Variants in SLC8A1 observed in about 807,000 individuals in gnomAD.
SLC8A1 encodes the protein solute carrier family 8 member A1.
In SLC8A1, 18 loss-of-function variants were observed where a neutral mutation model predicts 68.3. The observed-to-expected ratio is 0.26, with a 90% confidence interval of 0.18 to 0.39. SLC8A1 has a LOEUF of 0.39. Ranked by LOEUF, SLC8A1 falls within the 10% of genes least tolerant of loss-of-function variation. The pLI, the probability that SLC8A1 is intolerant of heterozygous loss-of-function variation, is 1.00. For missense variants in SLC8A1, 985 were observed against 1,156.7 expected, an observed-to-expected ratio of 0.85 and a Z score of 2.15; for synonymous variants, 475 against 415.5, an observed-to-expected ratio of 1.14 and a Z score of -1.74.
chr2:40,465,400 C>T (rs1245823559), intron 1 of SLC8A1, among the ~76,000 whole-genome samples: 1 of 152,078 alleles, frequency 6.6e-6, no homozygotes, highest in Non-Finnish European at 1.5e-5. Flanking sequence ...AAAAAGTGTA[C>T]TGTTTTACTT....
At chr2:40,302,682 ATTGTGCTGCTATAAACATGC>A (rs1055552092) in intron 2 of SLC8A1, among the ~76,000 whole-genome samples, 5 of 151,906 alleles carry the variant, frequency 3.3e-5, no homozygotes, top group Admixed American at 2.0e-4. Context: ...GCAGTTGCAA[ATTGTGCTGCTATAAACATGC>A]ATGTGCAAGT....
Position 40,430,315 on chromosome 2 carries a change from T to A in SLC8A1, c.-24-11A>T, listed in dbSNP as rs1476944291. Reference sequence around the variant, plus strand: ...AACTGTCACAACCTACTGGTAAAAATAAGATGGGGGAGAGGGCAGAAAAAA... The same window carrying A: ...AACTGTCACAACCTACTGGTAAAAAAAAGATGGGGGAGAGGGCAGAAAAAA... On this transcript the variant is annotated splice_polypyrimidine_tract_variant and intron_variant, in intron 1 of 7. Coordinates refer to ENST00000406785, the Ensembl canonical transcript of SLC8A1. The A allele has an allele frequency of 1.9e-5, 30 of 1,567,198 alleles. No individual in the cohort carries two copies. The highest frequency in any genetic ancestry group is 2.2e-5 in the Non-Finnish European group (25 of 1,158,778).
intron 2 of SLC8A1, among the ~76,000 whole-genome samples, chr2:40,376,895 A>G (rs1680070946): frequency 1.3e-5 from 2 of 152,114 alleles, no homozygotes; most frequent in African/African-American, 2.4e-5. Flanking sequence ...TATAATTACC[A>G]TGCCCTCTAT....
At chr2:40,139,791 G>T in intron 6 of SLC8A1, 115 bp from the exon 10 acceptor site, 1 of 1,042,144 alleles carries the variant, frequency 9.6e-7, no homozygotes, top group Non-Finnish European at 1.4e-6. Context: ...AGGAGGCCAT[G>T]AGAGGTGGGT....
intron 1 of SLC8A1, among the ~76,000 whole-genome samples, chr2:40,431,570 A>T (rs1698305784): frequency 6.6e-6 from 1 of 152,106 alleles, no homozygotes. Context: ...GATGGAGGTG[A>T]GGGGAAACTG....
intron 2 of SLC8A1, among the ~76,000 whole-genome samples, chr2:40,424,701 A>G (rs978434597): frequency 8.6e-5 from 13 of 151,988 alleles, no homozygotes; most frequent in African/African-American, 2.9e-4. Flanking sequence ...TCTAAGGAGT[A>G]TATTAAGTAA....
intron 2 of SLC8A1, among the ~76,000 whole-genome samples, chr2:40,412,604 G>T (rs1479326349): frequency 6.6e-6 from 1 of 152,112 alleles, no homozygotes; most frequent in Non-Finnish European, 1.5e-5. Context: ...TGCTTCTGAG[G>T]CACTACTGAC....
intron 2 of SLC8A1, among the ~76,000 whole-genome samples, chr2:40,320,537 C>T (rs193273305): frequency 2.0e-4 from 30 of 152,128 alleles, no homozygotes; most frequent in African/African-American, 7.0e-4. Flanking sequence ...ATGGGATTTG[C>T]CTAAAATCAG....
chr2:40,216,218 A>G (rs1301330404), intron 2 of SLC8A1, among the ~76,000 whole-genome samples: 1 of 151,848 alleles, frequency 6.6e-6, no homozygotes, highest in African/African-American at 2.4e-5. Context: ...ATGTGTTCTC[A>G]ATGTTCAACT....
chr2:40,316,741 C>T lies in SLC8A1; in HGVS notation c.1808+111732G>A, dbSNP rs80241149. On this transcript the variant is annotated intron_variant, in intron 2 of 7. Transcript: ENST00000406785. Reference sequence around the variant, plus strand: ...ATCTTGATTTATATCAGGGCCCTAACGTGGCTGTCCAAAATACCTCCCTCC... The same window carrying T: ...ATCTTGATTTATATCAGGGCCCTAATGTGGCTGTCCAAAATACCTCCCTCC... Among the ~76,000 whole-genome samples the T allele has an allele frequency of 3.1e-3, 464 of 152,056 alleles. 3 individuals are homozygous for T. The highest frequency in any genetic ancestry group is 0.01 in the African/African-American group (434 of 41,498).
intron 2 of SLC8A1, among the ~76,000 whole-genome samples, chr2:40,355,387 A>G (rs764557441): frequency 1.9e-4 from 29 of 152,248 alleles, no homozygotes; most frequent in Non-Finnish European, 3.8e-4. Flanking sequence ...TTGACCTATA[A>G]GGAGGGATGC....
intron 2 of SLC8A1, among the ~76,000 whole-genome samples, chr2:40,224,315 A>C (rs975560911): frequency 3.3e-5 from 5 of 152,270 alleles, no homozygotes; most frequent in African/African-American, 9.6e-5. Context: ...AGAGGCCAAC[A>C]GTGTACTTTG....
chr2:40,258,117 T>C (rs1396846335), intron 2 of SLC8A1, among the ~76,000 whole-genome samples: 1 of 152,204 alleles, frequency 6.6e-6, no homozygotes, highest in African/African-American at 2.4e-5. Context: ...AGGCCTGTAA[T>C]TTATCATCAC....
At chr2:40,324,028 T>TGG (rs376852753) in intron 2 of SLC8A1, among the ~76,000 whole-genome samples, 32 of 135,062 alleles carry the variant, frequency 2.4e-4, no homozygotes, top group East Asian at 8.8e-4. Flanking sequence ...AAGTTAAAGG[T>TGG]GGGGGGGGGG....
chr2:40,220,145 AG>A (rs1229422889), intron 2 of SLC8A1: 3 of 86,718 alleles, frequency 3.5e-5, no homozygotes, highest in African/African-American at 1.3e-4. Flanking sequence ...GAAACAAAAT[AG>A]GCTTTTTTTT....
intron 4 of SLC8A1, among the ~76,000 whole-genome samples, chr2:40,170,011 G>T (rs1190598949): frequency 6.6e-6 from 1 of 152,152 alleles, no homozygotes; most frequent in Non-Finnish European, 1.5e-5. Context: ...ATATTTCCAA[G>T]AAATCTGGAA....
chr2:40,279,030 T>C (rs1044092859), intron 2 of SLC8A1, among the ~76,000 whole-genome samples: 2 of 152,170 alleles, frequency 1.3e-5, no homozygotes, highest in African/African-American at 4.8e-5. Context: ...TTGATTATTT[T>C]ACAAGGCCAA....
chr2:40,267,367 G>T (rs1021212759), intron 2 of SLC8A1, among the ~76,000 whole-genome samples: 46 of 152,140 alleles, frequency 3.0e-4, no homozygotes, highest in Admixed American at 3.0e-3. Flanking sequence ...GAGTAAGCTT[G>T]TAACACATAC....
intron 2 of SLC8A1, among the ~76,000 whole-genome samples, chr2:40,362,125 A>G (rs111718782): frequency 0.03 from 4,555 of 151,304 alleles, 84 homozygotes; most frequent in Non-Finnish European, 0.045. Flanking sequence ...GAACTCCTGG[A>G]CTCAAGTAAT....
Sources: allele counts gnomAD v4.1 joint callset (sites outside exome capture counted in the v4.1 genomes callset), GRCh38; gene constraint gnomAD v4.1.1; transcripts MANE v1.5; gene names NCBI Gene and HGNC (gene_info 2026-07-23, HGNC 2026-07-21).